Variants in ARHGAP10 observed in about 807,000 individuals in gnomAD.
ARHGAP10 encodes the protein Rho GTPase activating protein 10.
A neutral mutation model predicts 108.6 loss-of-function variants in ARHGAP10; 87 were observed. That is an observed-to-expected ratio of 0.80 (90% confidence interval 0.67 to 0.96). The LOEUF (loss-of-function observed/expected upper bound fraction) is 0.96, where lower values mean the gene tolerates loss of function less well. ARHGAP10 is among the 40% of genes least tolerant of loss of function. The pLI is 0.00. For synonymous variants in ARHGAP10, 347 were observed against 341.1 expected, an observed-to-expected ratio of 1.02 and a Z score of -0.19; for missense variants, 939 against 954.5, an observed-to-expected ratio of 0.98 and a Z score of 0.21.
At chr4:147,829,931 A>G (rs1732879008) in intron 3 of ARHGAP10, among the ~76,000 whole-genome samples, 1 of 152,140 alleles carries the variant, frequency 6.6e-6, no homozygotes, top group South Asian at 2.1e-4. Context: ...AACTGCGGGG[A>G]AGCGGGAGTG....
chr4:147,928,110 A>G (rs1737534309), intron 13 of ARHGAP10, among the ~76,000 whole-genome samples: 2 of 152,234 alleles, frequency 1.3e-5, no homozygotes, highest in Non-Finnish European at 2.9e-5. Flanking sequence ...ACCATAATAC[A>G]GAGGTTACAG....
chr4:147,860,465 C>T (rs935538814), intron 5 of ARHGAP10, among the ~76,000 whole-genome samples: 29 of 151,172 alleles, frequency 1.9e-4, no homozygotes, highest in African/African-American at 6.5e-4. Context: ...CAAAACAAAA[C>T]AAAAAAAACC....
chr4:147,882,605 CATTT>C (rs1368872025), intron 10 of ARHGAP10, among the ~76,000 whole-genome samples: 3 of 152,098 alleles, frequency 2.0e-5, no homozygotes, highest in African/African-American at 7.2e-5. Context: ...GAACAACATT[CATTT>C]GTGTGTGGGG....
intron 15 of ARHGAP10, among the ~76,000 whole-genome samples, chr4:147,952,629 A>G (rs557420174): frequency 6.6e-6 from 1 of 152,146 alleles, no homozygotes; most frequent in South Asian, 2.1e-4. Context: ...TTATGTTTTA[A>G]AAGTTAAAAA....
intron 1 of ARHGAP10, among the ~76,000 whole-genome samples, chr4:147,732,927 T>C (rs1162918614): frequency 2.0e-5 from 3 of 152,234 alleles, no homozygotes; most frequent in African/African-American, 7.2e-5. Context: ...TGTTGAGTTT[T>C]CCAGAGTCCC....
chr4:147,913,174 T>A, intron 13 of ARHGAP10, 35 bp downstream of exon 13: 1 of 1,573,404 alleles, frequency 6.4e-7, no homozygotes, highest in East Asian at 2.2e-5. Flanking sequence ...CATGAGAGGC[T>A]ATAGGTATGT....
intron 19 of ARHGAP10, among the ~76,000 whole-genome samples, chr4:148,037,168 A>G (rs961444610): frequency 7.9e-5 from 12 of 152,300 alleles, no homozygotes; most frequent in African/African-American, 2.6e-4. Context: ...TTTGGACAAA[A>G]CTGTAATCCT....
intron 1 of ARHGAP10, among the ~76,000 whole-genome samples, chr4:147,774,049 A>C (rs763198220): frequency 6.6e-6 from 1 of 152,172 alleles, no homozygotes; most frequent in Non-Finnish European, 1.5e-5. Flanking sequence ...TCTCTGCCCC[A>C]GTTTCCTCAG....
At chr4:147,920,663 G>T (rs1347444722) in intron 13 of ARHGAP10, among the ~76,000 whole-genome samples, 1 of 152,184 alleles carries the variant, frequency 6.6e-6, no homozygotes, top group Non-Finnish European at 1.5e-5. Flanking sequence ...TTTATTAGTG[G>T]CTGACAAAAC....
At chr4:147,940,609 A>G (rs1010520608) in intron 14 of ARHGAP10, among the ~76,000 whole-genome samples, 1 of 152,194 alleles carries the variant, frequency 6.6e-6, no homozygotes, top group Non-Finnish European at 1.5e-5. Context: ...GGGCCTGTGT[A>G]TCAAACCAAT....
At chr4:148,030,435 TC>T in intron 19 of ARHGAP10, among the ~76,000 whole-genome samples, 1 of 152,212 alleles carries the variant, frequency 6.6e-6, no homozygotes, top group Admixed American at 6.5e-5. Flanking sequence ...TTTAAGGCTG[TC>T]AAGAGTGACT....
chr4:148,006,927 A>C (rs1740974013), intron 18 of ARHGAP10, among the ~76,000 whole-genome samples: 1 of 152,082 alleles, frequency 6.6e-6, no homozygotes, highest in Non-Finnish European at 1.5e-5. Flanking sequence ...TTATCAGTGG[A>C]CCTTTGTGGC....
chr4:147,868,638 G>A (rs569137512), intron 7 of ARHGAP10, among the ~76,000 whole-genome samples: 7 of 152,304 alleles, frequency 4.6e-5, no homozygotes, highest in South Asian at 4.1e-4. Context: ...TTTTGGCACC[G>A]GGGACTGGTT....
At chr4:147,928,564 T>G (rs989981980) in intron 13 of ARHGAP10, among the ~76,000 whole-genome samples, 3 of 152,172 alleles carry the variant, frequency 2.0e-5, no homozygotes, top group Non-Finnish European at 4.4e-5. Context: ...AAAAACAGAT[T>G]AGTTGGTGGC....
At chr4:147,921,430 T>G (rs1338605274) in intron 13 of ARHGAP10, among the ~76,000 whole-genome samples, 1 of 152,182 alleles carries the variant, frequency 6.6e-6, no homozygotes, top group Non-Finnish European at 1.5e-5. Flanking sequence ...ATAGGAATAG[T>G]CAGGTGGAGA....
At chr4:147,812,033 G>A (rs1316518151) in intron 1 of ARHGAP10, among the ~76,000 whole-genome samples, 1 of 152,140 alleles carries the variant, frequency 6.6e-6, no homozygotes, top group East Asian at 1.9e-4. Flanking sequence ...CCCCTCAGGT[G>A]GGAGAGAGTA....
intron 18 of ARHGAP10, among the ~76,000 whole-genome samples, chr4:147,974,128 G>A (rs1192792041): frequency 1.3e-5 from 2 of 151,958 alleles, no homozygotes; most frequent in Non-Finnish European, 2.9e-5. Context: ...ATTCTCCATA[G>A]GGGTACATTC....
At chr4:147,901,185 T>A (rs4835106) in intron 10 of ARHGAP10, among the ~76,000 whole-genome samples, 1 of 152,156 alleles carries the variant, frequency 6.6e-6, no homozygotes, top group Non-Finnish European at 1.5e-5. Context: ...AATTGATTAT[T>A]AGAAAAGAAA....
At chr4:147,762,520 T>TTATTTATA (rs1265303325) in intron 1 of ARHGAP10, among the ~76,000 whole-genome samples, 2 of 17,604 alleles carry the variant, frequency 1.1e-4, no homozygotes, top group South Asian at 2.0e-3. Context: ...ATTTATTTAT[T>TTATTTATA]TTTATTTATT....
Sources: gnomAD v4.1 joint callset for allele counts (sites outside exome capture counted in the v4.1 genomes callset) on GRCh38, gnomAD v4.1.1 for gene constraint, MANE v1.5 for transcripts, NCBI Gene and HGNC (gene_info 2026-07-23, HGNC 2026-07-21) for gene names.